The following PRKCA variants were observed in gnomAD, a reference collection of about 807,000 sequenced individuals.
PRKCA encodes protein kinase C alpha, also known as protein kinase C alpha type.
A neutral mutation model predicts 87.0 loss-of-function variants in PRKCA; 27 were observed. That is an observed-to-expected ratio of 0.31 (90% confidence interval 0.23 to 0.43). The LOEUF is 0.43. Among genes scored for constraint, PRKCA ranks in the 20% least tolerant of loss-of-function variants. PRKCA has a pLI of 1.00. For missense variants in PRKCA, 518 were observed against 852.3 expected, an observed-to-expected ratio of 0.61 and a Z score of 4.88; for synonymous variants, 329 against 311.1, an observed-to-expected ratio of 1.06 and a Z score of -0.61.
chr17:66,630,426 G>A (rs1026861234), intron 3 of PRKCA, among the ~76,000 whole-genome samples: 39 of 152,192 alleles, frequency 2.6e-4, no homozygotes, highest in African/African-American at 9.2e-4. Flanking sequence ...GTGACTTGTA[G>A]CCCCTCCCTG....
chr17:66,760,040 G>A (rs1346817786), intron 13 of PRKCA, among the ~76,000 whole-genome samples: 2 of 152,214 alleles, frequency 1.3e-5, no homozygotes, highest in African/African-American at 2.4e-5. Context: ...AATCAGTAGG[G>A]ACGGAGTTGA....
intron 5 of PRKCA, among the ~76,000 whole-genome samples, chr17:66,686,567 G>A (rs1972633181): frequency 1.3e-5 from 2 of 152,198 alleles, no homozygotes; most frequent in Non-Finnish European, 2.9e-5. Context: ...CTGGGGATTA[G>A]AATTTTTAAC....
At chr17:66,401,664 G>A (rs897532873) in intron 2 of PRKCA, among the ~76,000 whole-genome samples, 2 of 152,150 alleles carry the variant, frequency 1.3e-5, no homozygotes, top group African/African-American at 2.4e-5. Context: ...GGCAGTGGTA[G>A]TAAGAATGAG....
At chr17:66,540,341 A>AG (rs1277197264) in intron 3 of PRKCA, among the ~76,000 whole-genome samples, 16 of 152,092 alleles carry the variant, frequency 1.1e-4, no homozygotes, top group African/African-American at 3.9e-4. Context: ...TCTCTAAAAG[A>AG]GGGGGCGGAG....
intron 2 of PRKCA, among the ~76,000 whole-genome samples, chr17:66,443,367 A>G (rs1183240987): frequency 6.6e-6 from 1 of 152,174 alleles, no homozygotes; most frequent in Admixed American, 6.5e-5. Context: ...TTACTCTTGG[A>G]AAGAAGTGTA....
rs1161710142 is a variant in PRKCA, at chr17:66,302,731, C to G, written c.-121C>G. 1 of 706,722 alleles carries G rather than the reference C, an allele frequency of 1.4e-6. No homozygotes were observed. Among genetic ancestry groups the G allele is most frequent in the African/African-American group, 2.0e-5 (1 of 51,156 alleles). The allele number at this position is 706,722 out of a possible 1,614,324, so 43.8% of individuals were successfully genotyped here. ...CGCCCCCTCGCCGCGACCTCGGCCACCGGCCCGCGCCCCGCGCCCGGGGTC... is the reference window on the plus strand; with the variant it reads ...CGCCCCCTCGCCGCGACCTCGGCCAGCGGCCCGCGCCCCGCGCCCGGGGTC... On this transcript the variant is annotated 5_prime_UTR_variant, in exon 1 of 17. Transcript: ENST00000413366.
chr17:66,435,854 C>T (rs1311556023), intron 2 of PRKCA, among the ~76,000 whole-genome samples: 1 of 152,052 alleles, frequency 6.6e-6, no homozygotes, highest in Non-Finnish European at 1.5e-5. Context: ...GCAGGCATAG[C>T]GCTAAGAATA....
At chr17:66,796,027 TAC>T (rs1975657004) in intron 16 of PRKCA, among the ~76,000 whole-genome samples, 1 of 152,202 alleles carries the variant, frequency 6.6e-6, no homozygotes, top group African/African-American at 2.4e-5. Flanking sequence ...GTGAGCTGAG[TAC>T]TGTTTAATTT....
chr17:66,793,847 A>G (rs1219703055), intron 16 of PRKCA, among the ~76,000 whole-genome samples: 2 of 152,172 alleles, frequency 1.3e-5, no homozygotes, highest in South Asian at 4.1e-4. Context: ...CCAGAAAAAT[A>G]AAAGCTCCAG....
chr17:66,416,238 C>T (rs1474157009), intron 2 of PRKCA: 12 of 152,246 alleles, frequency 7.9e-5, no homozygotes, highest in Admixed American at 7.2e-4. Flanking sequence ...GTCCTGGACC[C>T]CTGCAGGATG....
intron 5 of PRKCA, among the ~76,000 whole-genome samples, chr17:66,682,683 T>C (rs1037195450): frequency 4.0e-5 from 6 of 151,750 alleles, no homozygotes; most frequent in Non-Finnish European, 7.4e-5. Context: ...TTTTCAATAG[T>C]GTGTGTATCT....
At chr17:66,305,397 C>T (rs1025020970) in intron 1 of PRKCA, among the ~76,000 whole-genome samples, 3 of 152,180 alleles carry the variant, frequency 2.0e-5, no homozygotes, top group African/African-American at 7.2e-5. Context: ...GCAGTTCATT[C>T]TGGTAGAACA....
At chr17:66,457,894 A>G (rs1040066525) in intron 2 of PRKCA, among the ~76,000 whole-genome samples, 6 of 152,198 alleles carry the variant, frequency 3.9e-5, no homozygotes, top group Admixed American at 1.3e-4. Context: ...CATGATCACT[A>G]GCTGAGTGTG....
At chr17:66,789,159 G>A (rs1364012937) in intron 16 of PRKCA, among the ~76,000 whole-genome samples, 180 bp downstream of exon 16, 6 of 152,236 alleles carry the variant, frequency 3.9e-5, no homozygotes, top group Non-Finnish European at 8.8e-5. Flanking sequence ...GATTCCTGCT[G>A]CCTTCAGAGA....
intron 2 of PRKCA, among the ~76,000 whole-genome samples, chr17:66,354,854 T>C (rs77210600): frequency 0.016 from 2,472 of 152,338 alleles, 71 homozygotes; most frequent in African/African-American, 0.056. Flanking sequence ...TTTATGCTTT[T>C]GCCTTTTTGT....
intron 2 of PRKCA, among the ~76,000 whole-genome samples, chr17:66,429,031 A>T (rs1912963594): frequency 6.6e-6 from 1 of 152,146 alleles, no homozygotes; most frequent in Non-Finnish European, 1.5e-5. Flanking sequence ...TTTGGGGGTG[A>T]TAAAGAACAC....
intron 2 of PRKCA, among the ~76,000 whole-genome samples, chr17:66,413,441 C>A (rs1371899227): frequency 6.6e-6 from 1 of 152,076 alleles, no homozygotes; most frequent in Non-Finnish European, 1.5e-5. Context: ...CATCATTGAC[C>A]ATTGGTGATC....
intron 2 of PRKCA, among the ~76,000 whole-genome samples, chr17:66,358,857 T>C (rs1395022392): frequency 6.6e-6 from 1 of 151,898 alleles, no homozygotes; most frequent in Non-Finnish European, 1.5e-5. Context: ...TTGATTTCTA[T>C]GGTTACATAC....
chr17:66,511,467 A>T (rs566515049), intron 3 of PRKCA, among the ~76,000 whole-genome samples: 2 of 152,186 alleles, frequency 1.3e-5, no homozygotes, highest in African/African-American at 4.8e-5. Context: ...ACCAGGATTT[A>T]GGTAATTCAT....
Sources: gnomAD v4.1 joint callset for allele counts (sites outside exome capture counted in the v4.1 genomes callset) on GRCh38, gnomAD v4.1.1 for gene constraint, MANE v1.5 for transcripts, NCBI Gene and HGNC (gene_info 2026-07-23, HGNC 2026-07-21) for gene names.